FER: variants seen among roughly 807,000 people sequenced by gnomAD.
FER encodes the protein tyrosine-protein kinase Fer.
Under a neutral mutation model 111.0 loss-of-function variants are expected in FER, and 63 were observed. The observed-to-expected ratio is 0.57, with a 90% confidence interval of 0.46 to 0.70. The LOEUF is 0.70. FER is among the 30% of genes least tolerant of loss of function. The pLI is 0.00. For synonymous variants in FER, 327 were observed against 313.9 expected (o/e 1.04, Z -0.44); for missense variants, 914 against 954.0 (o/e 0.96, Z 0.55).
intron 11 of FER, among the ~76,000 whole-genome samples, chr5:108,949,083 TGTAA>T (rs1360697667): frequency 6.6e-6 from 1 of 152,110 alleles, no homozygotes; most frequent in Non-Finnish European, 1.5e-5. Flanking sequence ...AGAATAATAT[TGTAA>T]GTAAGATTTG....
intron 16 of FER, among the ~76,000 whole-genome samples, chr5:109,070,865 T>TA (rs1192102727): frequency 1.3e-5 from 2 of 151,940 alleles, no homozygotes; most frequent in African/African-American, 4.8e-5. Context: ...CATTTTGTAA[T>TA]ACAAACATGA....
At chr5:108,786,564 G>A (rs976664332) in intron 2 of FER, among the ~76,000 whole-genome samples, 4 of 151,994 alleles carry the variant, frequency 2.6e-5, no homozygotes, top group Non-Finnish European at 5.9e-5. Flanking sequence ...GCAGTGATGC[G>A]AGGGGGGCTC....
At position 109,188,249 on chromosome 5, in the gene FER, G is replaced by GAGAT. The variant is rs1205741172; in HGVS notation, c.*674_*675insAGAT. 5 of 144,432 alleles carry GAGAT rather than the reference G, an allele frequency of 3.5e-5. No homozygotes were observed. Among genetic ancestry groups the GAGAT allele is most frequent in the African/African-American group, 1.3e-4 (5 of 39,940 alleles). 8.9% of individuals were successfully genotyped at this position (144,432 alleles called of 1,614,324 possible). A position where few individuals can be genotyped will look rare whatever the true frequency, so the allele number is the denominator to read the frequency against. On this transcript the variant is annotated 3_prime_UTR_variant, in exon 20 of 20. Coordinates refer to ENST00000281092, the MANE Select transcript of FER (RefSeq NM_005246.4). ...GGCTCACGCCTGTAATCCCAGGCAT[G>GAGAT]TAATCTCATGCCTGGGATTACAGGC...
intron 17 of FER, among the ~76,000 whole-genome samples, chr5:109,170,196 A>G (rs953793380): frequency 2.6e-5 from 4 of 151,772 alleles, no homozygotes; most frequent in African/African-American, 4.9e-5. Flanking sequence ...ATATGCCCTT[A>G]TAGAAAATAG....
chr5:109,127,693 C>T (rs779152255), intron 17 of FER, among the ~76,000 whole-genome samples: 4 of 152,054 alleles, frequency 2.6e-5, no homozygotes, highest in Admixed American at 1.3e-4. Flanking sequence ...CGTGAGCCAC[C>T]GTGCTTGGCC....
chr5:109,030,022 C>T (rs1416039488), intron 13 of FER, among the ~76,000 whole-genome samples: 1 of 151,976 alleles, frequency 6.6e-6, no homozygotes, highest in Non-Finnish European at 1.5e-5. Context: ...TCTATTTTCT[C>T]TTTGTTGTTC....
chr5:109,000,156 A>G (rs941916616), intron 13 of FER, among the ~76,000 whole-genome samples: 1 of 151,776 alleles, frequency 6.6e-6, no homozygotes, highest in African/African-American at 2.4e-5. Flanking sequence ...TAATATATAT[A>G]TAAGTTTATT....
rs1467354717 is a variant in FER, at chr5:109,128,052, CTT to C, written c.2048+27535_2048+27536del. On this transcript the variant is annotated intron_variant, in intron 17 of 19. Coordinates refer to ENST00000281092, the MANE Select transcript of FER (RefSeq NM_005246.4). ...ACCGTTAATCAGAAATTTTATAAGTCTTTGATTTAGCGTTTAAATTGAGATGT... is the reference window on the plus strand; with the variant it reads ...ACCGTTAATCAGAAATTTTATAAGTCTGATTTAGCGTTTAAATTGAGATGT... 5.9e-5 allele frequency among the ~76,000 whole-genome samples: 9 copies of C among 152,090 alleles called. No individual in the cohort carries two copies. In the East Asian group the frequency reaches 1.7e-3, roughly 29 times the overall value.
intron 17 of FER, among the ~76,000 whole-genome samples, chr5:109,143,698 T>A (rs1582231952): frequency 1.1e-5 from 1 of 87,676 alleles, no homozygotes; most frequent in East Asian, 2.6e-4. Context: ...TCCACCAATC[T>A]TTTTGTTTTG....
intron 13 of FER, among the ~76,000 whole-genome samples, chr5:109,001,804 A>G (rs1002473254): frequency 1.3e-5 from 2 of 152,096 alleles, no homozygotes; most frequent in Non-Finnish European, 2.9e-5. Flanking sequence ...TAGAATATCA[A>G]TGTGCAAAAA....
chr5:109,023,137 G>A (rs1055524838), intron 13 of FER, among the ~76,000 whole-genome samples: 3 of 152,104 alleles, frequency 2.0e-5, no homozygotes, highest in African/African-American at 4.8e-5. Flanking sequence ...TTAACTGGTA[G>A]GAGTAGAGAT....
At chr5:108,900,143 G>A (rs953033706) in intron 10 of FER, among the ~76,000 whole-genome samples, 1 of 152,124 alleles carries the variant, frequency 6.6e-6, no homozygotes, top group Non-Finnish European at 1.5e-5. Flanking sequence ...TATAATATAT[G>A]TAGTTTAAAG....
chr5:109,066,549 A>G (rs1310985270), intron 16 of FER, among the ~76,000 whole-genome samples: 1 of 152,186 alleles, frequency 6.6e-6, no homozygotes, highest in Non-Finnish European at 1.5e-5. Context: ...GAGCTTTATT[A>G]TTTCAAAAAT....
At chr5:108,984,039 C>T (rs992375223) in intron 13 of FER, among the ~76,000 whole-genome samples, 5 of 152,060 alleles carry the variant, frequency 3.3e-5, no homozygotes, top group Non-Finnish European at 7.4e-5. Context: ...AGACACGGTG[C>T]CTACTCTTCT....
chr5:109,189,870 G>T lies in FER; in HGVS notation c.*2295G>T, dbSNP rs574262475. The T allele has an allele frequency of 6.6e-6, 1 of 152,272 alleles. No individual in the cohort carries two copies. The highest frequency in any genetic ancestry group is 1.9e-4 in the East Asian group (1 of 5,180). 9.4% of individuals were successfully genotyped at this position (152,272 alleles called of 1,614,324 possible). On this transcript the variant is annotated 3_prime_UTR_variant, in exon 20 of 20. Coordinates refer to ENST00000281092, the MANE Select transcript of FER (RefSeq NM_005246.4). ...GATATTTCACTTATCCAGGCTGTTAGAATTTGCAGTTCACATCATTACTCT... is the reference window on the plus strand; with the variant it reads ...GATATTTCACTTATCCAGGCTGTTATAATTTGCAGTTCACATCATTACTCT...
chr5:108,857,866 C>T (rs1238808362), intron 5 of FER, among the ~76,000 whole-genome samples: 27 of 152,160 alleles, frequency 1.8e-4, no homozygotes, highest in Admixed American at 1.8e-3. Context: ...AAACTGGCTC[C>T]TCTGTCCTTT....
At chr5:108,814,411 G>A (rs1057356864) in intron 3 of FER, among the ~76,000 whole-genome samples, 2 of 152,120 alleles carry the variant, frequency 1.3e-5, no homozygotes, top group African/African-American at 4.8e-5. Flanking sequence ...AGGGGAGGGC[G>A]TTCCTGAAAG....
intron 16 of FER, among the ~76,000 whole-genome samples, chr5:109,067,751 A>G (rs1775289164): frequency 6.6e-6 from 1 of 152,268 alleles, no homozygotes; most frequent in Non-Finnish European, 1.5e-5. Flanking sequence ...TCTCTTGAAT[A>G]TCTAAATAGA....
chr5:109,160,072 T>C (rs1030041244), intron 17 of FER, among the ~76,000 whole-genome samples: 1 of 152,168 alleles, frequency 6.6e-6, no homozygotes, highest in African/African-American at 2.4e-5. Context: ...CAAGTAAATA[T>C]TTAGTGAAAG....
Sources: allele counts gnomAD v4.1 joint callset (sites outside exome capture counted in the v4.1 genomes callset), GRCh38; gene constraint gnomAD v4.1.1; transcripts MANE v1.5; gene names NCBI Gene and HGNC (gene_info 2026-07-23, HGNC 2026-07-21).